The following KCNQ1OT1 variants were observed in gnomAD, a reference collection of about 807,000 sequenced individuals.
KCNQ1OT1 encodes the protein KCNQ1 antisense RNA 2 (non-protein coding).
rs142140845 is a variant in KCNQ1OT1 at position 2,686,725 on chromosome 11, A to T, written n.13270T>A. On this transcript the variant is annotated non_coding_transcript_exon_variant, in exon 1 of 1. Coordinates refer to ENST00000597346, the Ensembl canonical transcript of KCNQ1OT1. ...AGGCTGGGAAGTCCTACTCGGCCCC[A>T]CTTCTACCCAGGACCAGTAGCTTTC... 83 of 398,596 alleles carry T rather than the reference A, an allele frequency of 2.1e-4. No individual in the cohort carries two copies. The East Asian group carries it at 3.0e-3, about 14-fold the overall frequency. 24.7% of individuals were successfully genotyped at this position (398,596 alleles called of 1,614,324 possible).
Position 2,657,771 on chromosome 11 carries a change from T to C in KCNQ1OT1, n.42224A>G, listed in dbSNP as rs1849875998. On this transcript the variant is annotated non_coding_transcript_exon_variant, in exon 1 of 1. Coordinates refer to ENST00000597346, the Ensembl canonical transcript of KCNQ1OT1. The surrounding 1 kb of genome is among the most constrained non-coding windows in gnomAD (Gnocchi z 4.8). ...CTTCTCAGTCTTGTTCTTCATTAAC[T>C]TGACACTTTTGAAGAATACCAGTCA... 2.5e-6 allele frequency: 1 copy of C among 398,670 alleles called. No homozygotes were observed. The highest frequency in any genetic ancestry group is 4.4e-6 in the Non-Finnish European group (1 of 226,072). The allele number at this position is 398,670 out of a possible 1,614,324, so 24.7% of individuals were successfully genotyped here.
rs1332355866 is a variant in KCNQ1OT1 at position 2,626,963 on chromosome 11, TC to T, written n.73031del. ...GGGTTTCTTCTTTCTGCAAATAACA[TC>T]ATTAGGATTTTTATTGGGATTACCT... On this transcript the variant is annotated non_coding_transcript_exon_variant, in exon 1 of 1. Transcript: ENST00000597346. The surrounding 1 kb of genome is among the most constrained non-coding windows in gnomAD (Gnocchi z 4.0). The T allele has an allele frequency of 1.0e-5, 4 of 398,490 alleles. No individual in the cohort carries two copies. The highest frequency in any genetic ancestry group is 2.1e-5 in the African/African-American group (1 of 48,632). 24.7% of individuals were successfully genotyped at this position (398,490 alleles called of 1,614,324 possible). A position where few individuals can be genotyped will look rare whatever the true frequency, so the allele number is the denominator to read the frequency against.
rs1477967004 is a variant in KCNQ1OT1, at chr11:2,678,212, TGTCA to T, written n.21779_21782del. The T allele has an allele frequency of 3.0e-5, 12 of 398,292 alleles. No homozygotes were observed. The highest frequency in any genetic ancestry group is 8.8e-5 in the Admixed American group (2 of 22,716). The allele number at this position is 398,292 out of a possible 1,614,324, so 24.7% of individuals were successfully genotyped here. Reference sequence around the variant, plus strand: ...TTTTTTAATTTCACATAGTCAGCTGTGTCAGTCTTTTATGGTTTGAGGTCCTTAT... The same window carrying T: ...TTTTTTAATTTCACATAGTCAGCTGTGTCTTTTATGGTTTGAGGTCCTTAT... On this transcript the variant is annotated non_coding_transcript_exon_variant, in exon 1 of 1. Coordinates refer to ENST00000597346, the Ensembl canonical transcript of KCNQ1OT1. This position sits in a 1 kb window ranked among gnomAD's most constrained non-coding sequence, Gnocchi z 4.9.
chr11:2,630,039 A>G (rs1252584076), exon 1 of KCNQ1OT1: 2 of 397,752 alleles, frequency 5.0e-6, no homozygotes, highest in African/African-American at 4.1e-5. Context: ...ATTGAGTATG[A>G]TGTTAGCTGT....
rs546430696 is a variant in KCNQ1OT1 at position 2,664,179 on chromosome 11, T to C, written n.35816A>G. ...CTGTTCCAAAAGTGGCTGCTAGATA[T>C]GAGCCAGCCTGGGAAGGCAGGAAGG... On this transcript the variant is annotated non_coding_transcript_exon_variant, in exon 1 of 1. Transcript: ENST00000597346. This position sits in a 1 kb window ranked among gnomAD's most constrained non-coding sequence, Gnocchi z 5.1. 24 of 398,574 alleles carry C rather than the reference T, an allele frequency of 6.0e-5. 1 individual carries two copies. The East Asian group carries it at 7.1e-4, about 12-fold the overall frequency. 24.7% of individuals were successfully genotyped at this position (398,574 alleles called of 1,614,324 possible). A position where few individuals can be genotyped will look rare whatever the true frequency, so the allele number is the denominator to read the frequency against.
exon 1 of KCNQ1OT1, chr11:2,614,508 C>T: frequency 2.5e-6 from 1 of 398,302 alleles, no homozygotes; most frequent in Non-Finnish European, 4.4e-6. Flanking sequence ...AAATTTATGC[C>T]TTTAACTCTT....
chr11:2,687,798 G>A lies in KCNQ1OT1; in HGVS notation n.12197C>T, dbSNP rs1850516618. The A allele has an allele frequency of 2.5e-6, 1 of 398,608 alleles. No homozygotes were observed. The highest frequency in any genetic ancestry group is 4.4e-6 in the Non-Finnish European group (1 of 226,190). 24.7% of individuals were successfully genotyped at this position (398,608 alleles called of 1,614,324 possible). ...CCTAACCACACCCCTAAGCCACCCA[G>A]CCTGGCCCCCCTCCTCTGCCCCAAC... is the stretch of plus-strand genomic sequence containing the variant. On this transcript the variant is annotated non_coding_transcript_exon_variant, in exon 1 of 1. Coordinates refer to ENST00000597346, the Ensembl canonical transcript of KCNQ1OT1. The surrounding 1 kb of genome is among the most constrained non-coding windows in gnomAD (Gnocchi z 5.0).
At chr11:2,697,662 GAATTAC>G (rs1423465681) in exon 1 of KCNQ1OT1, 1 of 398,366 alleles carries the variant, frequency 2.5e-6, no homozygotes, top group Admixed American at 4.4e-5. Context: ...CTCTTAATGT[GAATTAC>G]ATGGATAAAG....
exon 1 of KCNQ1OT1, chr11:2,699,674 G>A (rs1850753494): frequency 5.6e-6 from 2 of 356,876 alleles, no homozygotes; most frequent in Non-Finnish European, 1.0e-5. Flanking sequence ...GGGGAGAACC[G>A]CGCCGAAAAG....
Position 2,676,101 on chromosome 11 carries a change from GTACT to G in KCNQ1OT1, n.23890_23893del, listed in dbSNP as rs1674449518. The G allele has an allele frequency of 2.5e-6, 1 of 398,538 alleles. No individual in the cohort carries two copies. Among genetic ancestry groups the G allele is most frequent in the South Asian group, 1.3e-4 (1 of 7,866 alleles). 24.7% of individuals were successfully genotyped at this position (398,538 alleles called of 1,614,324 possible). On this transcript the variant is annotated non_coding_transcript_exon_variant, in exon 1 of 1. Coordinates refer to ENST00000597346, the Ensembl canonical transcript of KCNQ1OT1. This position sits in a 1 kb window ranked among gnomAD's most constrained non-coding sequence, Gnocchi z 4.2. ...AATATACGTGTGTCTGTGTGTGCAT[GTACT>G]TAGTAGATACGGCTCCTTTTTATAC...
rs150334019 is a variant in KCNQ1OT1, at chr11:2,613,878, A to G, written n.86117T>C. On this transcript the variant is annotated non_coding_transcript_exon_variant, in exon 1 of 1. Coordinates refer to ENST00000597346, the Ensembl canonical transcript of KCNQ1OT1. This position sits in a 1 kb window ranked among gnomAD's most constrained non-coding sequence, Gnocchi z 4.8. The stretch of plus-strand genomic sequence containing the variant: ...TGTGTGTGTTTGCTCTTTATAAGAC[A>G]TGATTATTTTCTCATTTCCCAAAAA... The G allele has an allele frequency of 1.1e-4, 44 of 398,566 alleles. No homozygotes were observed. Among genetic ancestry groups the G allele is most frequent in the Admixed American group, 7.9e-4 (18 of 22,718 alleles). 24.7% of individuals were successfully genotyped at this position (398,566 alleles called of 1,614,324 possible).
In KCNQ1OT1 at chr11:2,642,950, A is replaced by G. The variant is rs1401474825; in HGVS notation, n.57045T>C. On this transcript the variant is annotated non_coding_transcript_exon_variant, in exon 1 of 1. Coordinates refer to ENST00000597346, the Ensembl canonical transcript of KCNQ1OT1. This position sits in a 1 kb window ranked among gnomAD's most constrained non-coding sequence, Gnocchi z 4.3. ...GTCATTCAGGAACATGTTAATTTCCATTTATTTATACAGTTTTGAATGCTC... is the reference window on the plus strand; with the variant it reads ...GTCATTCAGGAACATGTTAATTTCCGTTTATTTATACAGTTTTGAATGCTC... The G allele has an allele frequency of 7.5e-6, 3 of 397,664 alleles. No homozygotes were observed. The highest frequency in any genetic ancestry group is 2.1e-5 in the African/African-American group (1 of 48,540). The allele number at this position is 397,664 out of a possible 1,614,324, so 24.6% of individuals were successfully genotyped here.
In KCNQ1OT1 at chr11:2,652,977, C is replaced by T; in HGVS notation, n.47018G>A. Reference sequence around the variant, plus strand: ...TCAGGATTCCGGAAGTCATCTTTGACTGTGTCACATCACTGTCATGCTTGA... The same window carrying T: ...TCAGGATTCCGGAAGTCATCTTTGATTGTGTCACATCACTGTCATGCTTGA... On this transcript the variant is annotated non_coding_transcript_exon_variant, in exon 1 of 1. Transcript: ENST00000597346. The surrounding 1 kb of genome is among the most constrained non-coding windows in gnomAD (Gnocchi z 5.9). 2.5e-6 allele frequency: 1 copy of T among 398,702 alleles called. No individual in the cohort carries two copies. The highest frequency in any genetic ancestry group is 4.4e-5 in the Admixed American group (1 of 22,744). 24.7% of individuals were successfully genotyped at this position (398,702 alleles called of 1,614,324 possible). A position where few individuals can be genotyped will look rare whatever the true frequency, so the allele number is the denominator to read the frequency against.
Position 2,617,292 on chromosome 11 carries a change from C to CTT in KCNQ1OT1, n.82701_82702dup, listed in dbSNP as rs977805746. On this transcript the variant is annotated non_coding_transcript_exon_variant, in exon 1 of 1. Transcript: ENST00000597346. This position sits in a 1 kb window ranked among gnomAD's most constrained non-coding sequence, Gnocchi z 4.6. ...CTATCTCTGTATATTTGACTTTTTT[C>CTT]TTTTTAAGATTCTACATATAGGTGA... 5.3e-5 allele frequency: 21 copies of CTT among 398,078 alleles called. No homozygotes were observed. The highest frequency in any genetic ancestry group is 8.4e-5 in the Non-Finnish European group (19 of 225,790). The allele number at this position is 398,078 out of a possible 1,614,324, so 24.7% of individuals were successfully genotyped here.
At chr11:2,633,428 A>G in exon 1 of KCNQ1OT1, 1 of 398,512 alleles carries the variant, frequency 2.5e-6, no homozygotes, top group Non-Finnish European at 4.4e-6. Flanking sequence ...ATAAAGTCTT[A>G]CCCATAAAAT....
chr11:2,656,110 A>G (rs1258734317), exon 1 of KCNQ1OT1: 2 of 398,510 alleles, frequency 5.0e-6, no homozygotes, highest in African/African-American at 2.1e-5. Flanking sequence ...AAGCAACTCT[A>G]CGTTCTAGCC....
chr11:2,647,565 A>G lies in KCNQ1OT1; in HGVS notation n.52430T>C. On this transcript the variant is annotated non_coding_transcript_exon_variant, in exon 1 of 1. Coordinates refer to ENST00000597346, the Ensembl canonical transcript of KCNQ1OT1. The surrounding 1 kb of genome is among the most constrained non-coding windows in gnomAD (Gnocchi z 4.0). ...CTCTTCAGTCTTTTGGAATTGTCTG[A>G]GAAGAATTCATGTTAGTTCTTTAAA... 3 of 398,598 alleles carry G rather than the reference A, an allele frequency of 7.5e-6. No individual in the cohort carries two copies. Among genetic ancestry groups the G allele is most frequent in the Non-Finnish European group, 1.3e-5 (3 of 226,060 alleles). 24.7% of individuals were successfully genotyped at this position (398,598 alleles called of 1,614,324 possible).
rs1849900505 is a variant in KCNQ1OT1 at position 2,658,901 on chromosome 11, G to A, written n.41094C>T. 2 of 398,320 alleles carry A rather than the reference G, an allele frequency of 5.0e-6. No homozygotes were observed. Among genetic ancestry groups the A allele is most frequent in the Admixed American group, 4.4e-5 (1 of 22,694 alleles). The allele number at this position is 398,320 out of a possible 1,614,324, so 24.7% of individuals were successfully genotyped here. A position where few individuals can be genotyped will look rare whatever the true frequency, so the allele number is the denominator to read the frequency against. Reference sequence around the variant, plus strand: ...TTTGTGTAACCCTATTGTACACGTAGTACCCTATGTGAAGCAAATTTACCT... The same window carrying A: ...TTTGTGTAACCCTATTGTACACGTAATACCCTATGTGAAGCAAATTTACCT... On this transcript the variant is annotated non_coding_transcript_exon_variant, in exon 1 of 1. Transcript: ENST00000597346. This position sits in a 1 kb window ranked among gnomAD's most constrained non-coding sequence, Gnocchi z 4.9.
rs170762 is a variant in KCNQ1OT1 at position 2,651,007 on chromosome 11, G to A, written n.48988C>T. 0.094 allele frequency: 37,329 copies of A among 398,526 alleles called. 1,983 individuals are homozygous for A. Among genetic ancestry groups the A allele is most frequent in the Middle Eastern group, 0.15 (237 of 1,588 alleles). The allele number at this position is 398,526 out of a possible 1,614,324, so 24.7% of individuals were successfully genotyped here. ...AACTCTCTGGATTTGCCCACACCTA[G>A]TCTCTCCAGCTATCTCCCTGGTTAA... On this transcript the variant is annotated non_coding_transcript_exon_variant, in exon 1 of 1. Coordinates refer to ENST00000597346, the Ensembl canonical transcript of KCNQ1OT1. The surrounding 1 kb of genome is among the most constrained non-coding windows in gnomAD (Gnocchi z 6.1).
Sources: allele counts gnomAD v4.1 joint callset, GRCh38; gene constraint gnomAD v4.1.1; non-coding constraint Gnocchi (gnomAD v3.1); transcripts MANE v1.5; gene names NCBI Gene and HGNC (gene_info 2026-07-23, HGNC 2026-07-21).